The following DOCK10 variants were observed in gnomAD, a reference collection of about 807,000 sequenced individuals.
The protein encoded by DOCK10 is dedicator of cytokinesis 10.
DOCK10 carries 145 observed loss-of-function variants against 280.1 expected under a neutral mutation model. The observed-to-expected ratio is 0.52, with a 90% CI of 0.45 to 0.59. The LOEUF (loss-of-function observed/expected upper bound fraction) is 0.59, where lower values mean the gene tolerates loss of function less well. DOCK10 is among the 20% of genes least tolerant of loss of function. The pLI is 0.00. For missense variants in DOCK10, 2,368 were observed against 2,651.7 expected, an observed-to-expected ratio of 0.89 and a Z score of 2.35; for synonymous variants, 915 against 942.2, an observed-to-expected ratio of 0.97 and a Z score of 0.53.
chr2:224,787,316 T>C lies in DOCK10; in HGVS notation c.5500A>G (p.Lys1834Glu), dbSNP rs770650570. ...ERYELIADVN[K>E]PIIAVFEKQR... is the part of the protein sequence containing the mutation. Reference sequence around the variant, plus strand: ...TTCTCAAAGACAGCAATGATGGGCTTGTTGACATCAGCAATGAGTTCATAT... The same window carrying C: ...TTCTCAAAGACAGCAATGATGGGCTCGTTGACATCAGCAATGAGTTCATAT... Residue 1834 changes from lysine to glutamate, a missense_variant, in exon 49 of 56, where the codon AAG (lysine) becomes GAG (glutamate). Physicochemically the swap from Lys to Glu is moderately conservative, Grantham distance 56. Around this residue, in one of 2 missense-constraint regions of DOCK10, gnomAD observed 1,159 missense variants for 1,400.8 expected, o/e 0.83. Coordinates refer to ENST00000258390, the MANE Select transcript of DOCK10 (RefSeq NM_014689.3). 3.7e-6 allele frequency: 6 copies of C among 1,614,014 alleles called. No homozygotes were observed. The Admixed American group carries it at 1.0e-4, about 27-fold the overall frequency.
rs540294013 is a variant in DOCK10, at chr2:224,959,592, G to A, written c.124-27924C>T. ...TCTCAGCTGGATTCTACTTCAGAAG[G>A]AAACAGCTGTGCCTTCTCACTAGAT... On this transcript the variant is annotated intron_variant, in intron 1 of 55. Transcript: ENST00000258390. Among the ~76,000 whole-genome samples, 3 of 152,190 alleles carry A rather than the reference G, an allele frequency of 2.0e-5. No individual in the cohort carries two copies. The East Asian group carries it at 5.8e-4, about 29-fold the overall frequency.
chr2:224,787,172 G>T (rs1193761910), intron 49 of DOCK10, 37 bp from the exon 50 acceptor site: 1 of 1,604,520 alleles, frequency 6.2e-7, no homozygotes, highest in Non-Finnish European at 8.5e-7. Context: ...TGAAGATGAT[G>T]CTGTCATACA....
Position 224,952,536 on chromosome 2 carries a change from C to G in DOCK10, c.124-20868G>C, listed in dbSNP as rs538255970. 2.0e-5 allele frequency among the ~76,000 whole-genome samples: 3 copies of G among 151,354 alleles called. No individual in the cohort carries two copies. In the South Asian group the frequency reaches 6.3e-4, roughly 32 times the overall value. On this transcript the variant is annotated intron_variant, in intron 1 of 55. Coordinates refer to ENST00000258390, the MANE Select transcript of DOCK10 (RefSeq NM_014689.3). The stretch of plus-strand genomic sequence containing the variant: ...AAGAAAAATAATGGTGGAGGAAAGG[C>G]AGCAAACAAAGTCAATATACTATGT...
At chr2:224,918,485 C>A (rs934810573) in intron 2 of DOCK10, among the ~76,000 whole-genome samples, 2 of 141,900 alleles carry the variant, frequency 1.4e-5, no homozygotes, top group Admixed American at 1.4e-4. Flanking sequence ...GTTTGTGGTG[C>A]GGTGTGTGTG....
rs72974678 is a variant in DOCK10, at chr2:224,969,837, G to A, written c.124-38169C>T. Among the ~76,000 whole-genome samples the A allele has an allele frequency of 3.9e-3, 589 of 152,240 alleles. 2 individuals are homozygous for A. Among genetic ancestry groups the A allele is most frequent in the Middle Eastern group, 0.017 (5 of 294 alleles). On this transcript the variant is annotated intron_variant, in intron 1 of 55. Coordinates refer to ENST00000258390, the MANE Select transcript of DOCK10 (RefSeq NM_014689.3). ...CTTTAGAGTGACAGAAAAGCAGGCC[G>A]GTTTTAAAGCAAACCTTTAAACAGT...
At chr2:224,793,163 T>G (rs919909324) in intron 46 of DOCK10, 91 bp from the exon 47 acceptor site, 2 of 1,032,622 alleles carry the variant, frequency 1.9e-6, no homozygotes, top group East Asian at 2.4e-5. Context: ...AATGATGCAT[T>G]CTCGTTTTGA....
rs535906185 is a variant in DOCK10 at position 224,788,856 on chromosome 2, C to T, written c.5418+208G>A. 2.0e-5 allele frequency among the ~76,000 whole-genome samples: 3 copies of T among 152,264 alleles called. No homozygotes were observed. The South Asian group carries it at 6.2e-4, about 32-fold the overall frequency. ...AAGAGCTGATAATATACATTTGAGT[C>T]CATCTTAGAGAAGTAAGACTTAGTT... On this transcript the variant is annotated intron_variant, in intron 48 of 55. Transcript: ENST00000258390.
intron 1 of DOCK10, among the ~76,000 whole-genome samples, chr2:225,018,484 A>G: frequency 7.0e-6 from 1 of 142,002 alleles, no homozygotes; most frequent in East Asian, 2.0e-4. Context: ...GATACCATGT[A>G]AACATATATA....
At chr2:224,891,180 G>A (rs576790307) in intron 4 of DOCK10, among the ~76,000 whole-genome samples, 3 of 152,148 alleles carry the variant, frequency 2.0e-5, no homozygotes, top group Non-Finnish European at 4.4e-5. Flanking sequence ...TGGGAATAGT[G>A]GGATTCATTG....
intron 30 of DOCK10, 139 bp downstream of exon 30, chr2:224,816,478 T>C: frequency 1.1e-5 from 7 of 628,276 alleles, no homozygotes; most frequent in Non-Finnish European, 1.4e-5. Context: ...TCTGATTACC[T>C]GGGTCTGATA....
Position 225,042,168 on chromosome 2 carries a change from C to A in DOCK10, c.123+84G>T. On this transcript the variant is annotated intron_variant, in intron 1 of 55. Transcript: ENST00000258390. This position sits in a 1 kb window ranked among gnomAD's most constrained non-coding sequence, Gnocchi z 5.1. ...CCCGTGAGCTGCGGGGACCTGGGCC[C>A]GCCGAGCTTTTGGGGAAGCTGGGCT... 1 of 1,206,550 alleles carries A rather than the reference C, an allele frequency of 8.3e-7. No homozygotes were observed. The highest frequency in any genetic ancestry group is 1.0e-6 in the Non-Finnish European group (1 of 969,752). The allele number at this position is 1,206,550 out of a possible 1,614,324, so 74.7% of individuals were successfully genotyped here.
At chr2:224,904,383 T>C (rs1700469555) in intron 3 of DOCK10, among the ~76,000 whole-genome samples, 1 of 152,228 alleles carries the variant, frequency 6.6e-6, no homozygotes, top group South Asian at 2.1e-4. Flanking sequence ...CAAATATTTT[T>C]ATCTACATGA....
At chr2:224,857,115 A>C (rs1697200162) in intron 14 of DOCK10, 133 bp from the exon 15 acceptor site, 1 of 703,338 alleles carries the variant, frequency 1.4e-6, no homozygotes, top group Non-Finnish European at 2.1e-6. Flanking sequence ...AAAAAGACCA[A>C]AAACTTTTAC....
intron 1 of DOCK10, among the ~76,000 whole-genome samples, chr2:224,969,834 G>T (rs1030058299): frequency 1.3e-5 from 2 of 152,178 alleles, no homozygotes; most frequent in African/African-American, 4.8e-5. Flanking sequence ...AGAAAAGCAG[G>T]CCGGTTTTAA....
intron 1 of DOCK10, among the ~76,000 whole-genome samples, chr2:224,939,903 T>C (rs1020856495): frequency 1.3e-5 from 2 of 152,230 alleles, no homozygotes; most frequent in Non-Finnish European, 2.9e-5. Context: ...AAGTTGAATA[T>C]GCATAGTGGA....
At position 224,806,165 on chromosome 2, in the gene DOCK10, C is replaced by T. The variant is rs753542270; in HGVS notation, c.3775G>A (p.Asp1259Asn). Residue 1259 changes from aspartate to asparagine, a missense_variant, in exon 34 of 56, where the codon GAT (aspartate) becomes AAT (asparagine). Asp to Asn is a conservative substitution (Grantham distance 23, BLOSUM62 1). Transcript: ENST00000258390. ...QTAIKHANSV[D>N]TSFSKDVLNS... ...AAAACATCTTTAGAAAATGATGTATCCACAGAGTTTGCATGTTTGATAGCT... is the reference window on the plus strand; with the variant it reads ...AAAACATCTTTAGAAAATGATGTATTCACAGAGTTTGCATGTTTGATAGCT... 1 of 1,610,750 alleles carries T rather than the reference C, an allele frequency of 6.2e-7. No homozygotes were observed. Among genetic ancestry groups the T allele is most frequent in the African/African-American group, 1.3e-5 (1 of 74,672 alleles).
chr2:224,905,826 G>T (rs908721848), intron 3 of DOCK10, among the ~76,000 whole-genome samples: 1 of 151,946 alleles, frequency 6.6e-6, no homozygotes, highest in Non-Finnish European at 1.5e-5. Flanking sequence ...TTTACACAGG[G>T]TCCTCTTTGC....
intron 1 of DOCK10, among the ~76,000 whole-genome samples, chr2:224,999,404 C>T (rs193274452): frequency 3.2e-4 from 48 of 152,042 alleles, no homozygotes; most frequent in African/African-American, 4.8e-4. Context: ...GTTATTCCAG[C>T]GAGTGAAGCT....
chr2:224,807,837 G>T, intron 32 of DOCK10, 53 bp from the exon 33 acceptor site: 1 of 1,575,352 alleles, frequency 6.3e-7, no homozygotes, highest in South Asian at 1.1e-5. Flanking sequence ...CAATAGGCTT[G>T]TCGGTTTCAT....
Sources: allele counts gnomAD v4.1 joint callset (sites outside exome capture counted in the v4.1 genomes callset), GRCh38; gene constraint gnomAD v4.1.1; regional missense constraint gnomAD v4.1.1; non-coding constraint Gnocchi (gnomAD v3.1); transcripts MANE v1.5; gene names NCBI Gene and HGNC (gene_info 2026-07-23, HGNC 2026-07-21).